The following RAB11FIP3 variants were observed in gnomAD, a reference collection of about 807,000 sequenced individuals.
RAB11FIP3 encodes rab11 family-interacting protein 3.
Under a neutral mutation model 77.8 loss-of-function variants are expected in RAB11FIP3, and 17 were observed. The ratio of observed to expected loss-of-function variants is 0.22; its 90% confidence interval spans 0.15 to 0.33. RAB11FIP3 has a LOEUF of 0.33. Ranked by LOEUF, RAB11FIP3 falls within the 10% of genes least tolerant of loss-of-function variation. The pLI is 1.00. For missense variants in RAB11FIP3, 1,005 were observed against 1,011.2 expected (o/e 0.99, Z 0.08); for synonymous variants, 437 against 448.2 (o/e 0.98, Z 0.31).
chr16:500,132 G>T (rs1053420737), intron 6 of RAB11FIP3, among the ~76,000 whole-genome samples: 1 of 152,222 alleles, frequency 6.6e-6, no homozygotes, highest in Non-Finnish European at 1.5e-5. Context: ...TCTCCAGTCA[G>T]CTGTGTGTGC....
In RAB11FIP3 at chr16:436,268, C is replaced by T. The variant is rs187274555; in HGVS notation, c.714+9548C>T. ...AGGTTACAGTGAGCCAAGATCGCGCCACCGCACTCCAGCCCAGGCGAAAGT... is the reference window on the plus strand; with the variant it reads ...AGGTTACAGTGAGCCAAGATCGCGCTACCGCACTCCAGCCCAGGCGAAAGT... On this transcript the variant is annotated intron_variant, in intron 1 of 13. Transcript: ENST00000262305. Among the ~76,000 whole-genome samples the T allele has an allele frequency of 2.3e-3, 343 of 152,138 alleles. 3 individuals carry two copies. Among genetic ancestry groups the T allele is most frequent in the Non-Finnish European group, 3.8e-3 (258 of 68,006 alleles).
At chr16:502,679 T>C in intron 6 of RAB11FIP3, 1 of 416,144 alleles carries the variant, frequency 2.4e-6, no homozygotes, top group Non-Finnish European at 4.3e-6. Flanking sequence ...GCATGTTTTA[T>C]TGCAGCCAAG....
chr16:474,803 TC>T, intron 3 of RAB11FIP3: 2 of 1,411,580 alleles, frequency 1.4e-6, no homozygotes, highest in East Asian at 2.6e-5. Context: ...CAAGGACACT[TC>T]CTGAACTTTG....
chr16:492,802 A>AT (rs1207424200), intron 5 of RAB11FIP3, among the ~76,000 whole-genome samples: 3 of 151,908 alleles, frequency 2.0e-5, no homozygotes, highest in Non-Finnish European at 4.4e-5. Flanking sequence ...CATAGAACTG[A>AT]TTTTTTCCCA....
intron 6 of RAB11FIP3, chr16:502,712 G>A (rs144998534): frequency 1.5e-4 from 73 of 487,064 alleles, no homozygotes; most frequent in African/African-American, 1.1e-3. Context: ...TCTGCCACTC[G>A]CTGGCTGGGA....
chr16:426,478 G>C lies in RAB11FIP3; in HGVS notation c.472G>C (p.Val158Leu). 6.3e-7 allele frequency: 1 copy of C among 1,581,086 alleles called. No homozygotes were observed. Among genetic ancestry groups the C allele is most frequent in the Middle Eastern group, 1.7e-4 (1 of 5,946 alleles). Reference sequence around the variant, plus strand: ...CAGCAGCCACCGAGCGCGGGGCGAGGTCGACGTCTTCTCTCCCTTCCCCGC... The same window carrying C: ...CAGCAGCCACCGAGCGCGGGGCGAGCTCGACGTCTTCTCTCCCTTCCCCGC... ...SSSSHRARGE[V>L]DVFSPFPAPT... is the part of the protein sequence containing the mutation. Residue 158 changes from valine to leucine, a missense_variant, in exon 1 of 14, where the codon GTC becomes CTC. Val to Leu is a conservative substitution (Grantham distance 32, BLOSUM62 1). Transcript: ENST00000262305. The surrounding 1 kb of genome is among the most constrained non-coding windows in gnomAD (Gnocchi z 5.0).
At chr16:508,464 C>A (rs540702790) in intron 8 of RAB11FIP3, among the ~76,000 whole-genome samples, 1 of 152,370 alleles carries the variant, frequency 6.6e-6, no homozygotes, top group South Asian at 2.1e-4. Flanking sequence ...ACCTCCGCCT[C>A]CCGGGTTCAA....
intron 8 of RAB11FIP3, among the ~76,000 whole-genome samples, chr16:510,114 G>T (rs1023909659): frequency 1.4e-5 from 2 of 145,770 alleles, no homozygotes; most frequent in Non-Finnish European, 1.5e-5. Flanking sequence ...GAGTCCCCGT[G>T]CCTCTGGGCT....
chr16:469,238 G>A (rs2055768736), intron 2 of RAB11FIP3, among the ~76,000 whole-genome samples: 1 of 151,864 alleles, frequency 6.6e-6, no homozygotes, highest in Non-Finnish European at 1.5e-5. Flanking sequence ...ACCATGCCCA[G>A]CTAATTTTTG....
chr16:519,734 G>T lies in RAB11FIP3; in HGVS notation c.1723-20G>T. 1 of 1,610,324 alleles carries T rather than the reference G, an allele frequency of 6.2e-7. No homozygotes were observed. ...GGTAGGTGCGTGACCCGCATCCAGG[G>T]CAGGTGTCCACCCCTGCAGGAGAAG... On this transcript the variant is annotated intron_variant, in intron 10 of 13. Coordinates refer to ENST00000262305, the MANE Select transcript of RAB11FIP3 (RefSeq NM_014700.4).
At chr16:442,612 C>T (rs1019364412) in intron 1 of RAB11FIP3, among the ~76,000 whole-genome samples, 5 of 152,098 alleles carry the variant, frequency 3.3e-5, no homozygotes, top group Admixed American at 6.6e-5. Flanking sequence ...AATTGTCTTT[C>T]GGTGTCATGC....
chr16:492,487 TCCCGGGAGACCCGAGGCC>T (rs2030607409), intron 5 of RAB11FIP3, among the ~76,000 whole-genome samples: 1 of 24,136 alleles, frequency 4.1e-5, no homozygotes, highest in African/African-American at 2.1e-4. Context: ...CCCAGGGCCC[TCCCGGGAGACCCGAGGCC>T]GCCCAGGGCC....
At chr16:496,932 T>A (rs529880759) in intron 6 of RAB11FIP3, 73 bp downstream of exon 6, 2 of 1,431,326 alleles carry the variant, frequency 1.4e-6, no homozygotes, top group Non-Finnish European at 1.9e-6. Flanking sequence ...TAAAAAACAT[T>A]TTAAAATGTT....
chr16:469,127 G>A (rs951619944), intron 2 of RAB11FIP3, among the ~76,000 whole-genome samples: 4 of 151,874 alleles, frequency 2.6e-5, no homozygotes, highest in African/African-American at 7.3e-5. Context: ...GTGCAGTGGC[G>A]CGATCTTGGT....
chr16:455,415 A>G (rs1481623988), intron 1 of RAB11FIP3, among the ~76,000 whole-genome samples: 1 of 150,934 alleles, frequency 6.6e-6, no homozygotes, highest in African/African-American at 2.4e-5. Flanking sequence ...TGGAGGCTGC[A>G]GTGAGCTGAG....
rs1227703033 is a variant in RAB11FIP3, at chr16:505,803, C to T, written c.1499+176C>T. Among the ~76,000 whole-genome samples, 2 of 152,198 alleles carry T rather than the reference C, an allele frequency of 1.3e-5. No individual in the cohort carries two copies. The highest frequency in any genetic ancestry group is 4.8e-5 in the African/African-American group (2 of 41,450). ...TCATCTGAGCCTACCCAGTGGGCTG[C>T]AGGCAGGCGACCCGAGGCTCTGACT... On this transcript the variant is annotated intron_variant, in intron 8 of 13. Transcript: ENST00000262305. This position sits in a 1 kb window ranked among gnomAD's most constrained non-coding sequence, Gnocchi z 4.0.
chr16:495,680 A>G (rs1002759471), intron 5 of RAB11FIP3, among the ~76,000 whole-genome samples: 3 of 152,202 alleles, frequency 2.0e-5, no homozygotes, highest in Non-Finnish European at 2.9e-5. Context: ...CAGGGCAAGT[A>G]AAAAGGATGG....
chr16:462,600 C>CCTTCCCCAGCATGATCT (rs2055626946), intron 2 of RAB11FIP3, among the ~76,000 whole-genome samples: 1 of 149,798 alleles, frequency 6.7e-6, no homozygotes, highest in African/African-American at 2.5e-5. Context: ...CAGCACGATC[C>CCTTCCCCAGCATGATCT]CTTCCCCAGC....
chr16:514,258 T>G lies in RAB11FIP3; in HGVS notation c.1640+3458T>G, dbSNP rs1406755840. Reference sequence around the variant, plus strand: ...CCCCTGCAGCCCCAGGTCAGCAACCTGCGGTCAGCCCAGCACGAGGCCTCT... The same window carrying G: ...CCCCTGCAGCCCCAGGTCAGCAACCGGCGGTCAGCCCAGCACGAGGCCTCT... On this transcript the variant is annotated intron_variant, in intron 9 of 13. Coordinates refer to ENST00000262305, the MANE Select transcript of RAB11FIP3 (RefSeq NM_014700.4). This position sits in a 1 kb window ranked among gnomAD's most constrained non-coding sequence, Gnocchi z 4.6. Among the ~76,000 whole-genome samples, 1 of 152,244 alleles carries G rather than the reference T, an allele frequency of 6.6e-6. No homozygotes were observed. The highest frequency in any genetic ancestry group is 1.5e-5 in the Non-Finnish European group (1 of 68,042).
Sources: gnomAD v4.1 joint callset for allele counts (sites outside exome capture counted in the v4.1 genomes callset) on GRCh38, gnomAD v4.1.1 for gene constraint, Gnocchi (gnomAD v3.1) non-coding constraint, MANE v1.5 for transcripts, NCBI Gene and HGNC (gene_info 2026-07-23, HGNC 2026-07-21) for gene names.